TRHDE: variants seen among roughly 807,000 people sequenced by gnomAD.
TRHDE encodes thyrotropin-releasing hormone-degrading ectoenzyme.
A neutral mutation model predicts 125.7 loss-of-function variants in TRHDE; 72 were observed. The observed-to-expected ratio is 0.57, with a 90% CI of 0.47 to 0.70. TRHDE has a LOEUF of 0.70. TRHDE is among the 30% of genes least tolerant of loss of function. TRHDE has a pLI of 0.00. For synonymous variants in TRHDE, 509 were observed against 509.1 expected, an observed-to-expected ratio of 1.00 and a Z score of 0.00; for missense variants, 1,110 against 1,327.1, an observed-to-expected ratio of 0.84 and a Z score of 2.54.
intron 3 of TRHDE, among the ~76,000 whole-genome samples, chr12:72,390,301 C>T (rs888356656): frequency 6.6e-6 from 1 of 152,082 alleles, no homozygotes; most frequent in Non-Finnish European, 1.5e-5. Context: ...GAGTTGCTTC[C>T]TTCACTGGCT....
At chr12:72,320,543 C>CTGTGTGTGTGTGTGTG (rs59244019) in intron 2 of TRHDE, among the ~76,000 whole-genome samples, 2 of 143,078 alleles carry the variant, frequency 1.4e-5, no homozygotes, top group Admixed American at 7.0e-5. Context: ...AGAGGGTTGA[C>CTGTGTGTGTGTGTGTG]TGTGTGTGTG....
At chr12:72,629,676 T>C (rs1300647754) in intron 15 of TRHDE, among the ~76,000 whole-genome samples, 3 of 151,744 alleles carry the variant, frequency 2.0e-5, no homozygotes, top group African/African-American at 7.3e-5. Context: ...AAAATATTTG[T>C]ACTAAGACAC....
intron 2 of TRHDE, among the ~76,000 whole-genome samples, chr12:72,238,717 A>G (rs1295299496): frequency 1.3e-5 from 2 of 152,126 alleles, no homozygotes; most frequent in Non-Finnish European, 2.9e-5. Flanking sequence ...TGCAAAAGAC[A>G]TGAACTCATC....
intron 12 of TRHDE, among the ~76,000 whole-genome samples, chr12:72,609,168 A>G (rs1279580370): frequency 1.3e-5 from 2 of 152,230 alleles, no homozygotes; most frequent in Admixed American, 1.3e-4. Context: ...ACATGTACTC[A>G]GAGATTTTCC....
intron 2 of TRHDE, among the ~76,000 whole-genome samples, chr12:72,373,402 C>A (rs11179175): frequency 0.11 from 16,135 of 152,052 alleles, 1,118 homozygotes; most frequent in African/African-American, 0.18. Flanking sequence ...TGCCTCATTG[C>A]CCTGGCCAGA....
At chr12:72,375,902 G>A (rs140793064) in intron 2 of TRHDE, among the ~76,000 whole-genome samples, 1 of 152,174 alleles carries the variant, frequency 6.6e-6, no homozygotes, top group Non-Finnish European at 1.5e-5. Context: ...ACTGTCTCTT[G>A]TGGATGTTGT....
intron 15 of TRHDE, among the ~76,000 whole-genome samples, chr12:72,642,963 A>C (rs1193772488): frequency 6.6e-6 from 1 of 152,216 alleles, no homozygotes; most frequent in Non-Finnish European, 1.5e-5. Flanking sequence ...TTATTAGAAC[A>C]TCTTTACAAA....
intron 2 of TRHDE, among the ~76,000 whole-genome samples, chr12:72,121,721 T>C (rs1489888294): frequency 2.3e-5 from 2 of 87,340 alleles, no homozygotes; most frequent in African/African-American, 8.6e-5. Context: ...CGAAGGTGCC[T>C]TTTTTTTTTT....
rs1373036708 is a variant in TRHDE at position 72,582,247 on chromosome 12, T to C, written c.2321+6705T>C. On this transcript the variant is annotated intron_variant, in intron 12 of 18. Coordinates refer to ENST00000261180, the MANE Select transcript of TRHDE (RefSeq NM_013381.3). ...AACAGCTTATACATTTGAGATATATTAGAAGCCTGGGAATTCAGCATAATA... is the reference window on the plus strand; with the variant it reads ...AACAGCTTATACATTTGAGATATATCAGAAGCCTGGGAATTCAGCATAATA... The C allele has an allele frequency of 6.1e-6, 6 of 982,684 alleles. No homozygotes were observed. The African/African-American group carries it at 8.8e-5, about 14-fold the overall frequency. The allele number at this position is 982,684 out of a possible 1,614,324, so 60.9% of individuals were successfully genotyped here. A position where few individuals can be genotyped will look rare whatever the true frequency, so the allele number is the denominator to read the frequency against.
intron 17 of TRHDE, among the ~76,000 whole-genome samples, chr12:72,654,031 T>G (rs1057057772): frequency 6.6e-6 from 1 of 152,186 alleles, no homozygotes; most frequent in African/African-American, 2.4e-5. Flanking sequence ...TAAGACACAT[T>G]GACTTTTTTA....
intron 2 of TRHDE, among the ~76,000 whole-genome samples, chr12:72,331,570 G>A (rs1452903028): frequency 6.6e-6 from 1 of 152,194 alleles, no homozygotes; most frequent in Non-Finnish European, 1.5e-5. Context: ...CCTGGGAAGG[G>A]TGGCATCAGG....
At chr12:72,135,392 G>T (rs1201637224) in intron 2 of TRHDE, among the ~76,000 whole-genome samples, 2 of 152,064 alleles carry the variant, frequency 1.3e-5, no homozygotes, top group African/African-American at 4.8e-5. Context: ...CTTTCCATTG[G>T]TGACATGGAG....
At chr12:72,102,489 T>C (rs1875090952) in intron 1 of TRHDE, among the ~76,000 whole-genome samples, 1 of 152,188 alleles carries the variant, frequency 6.6e-6, no homozygotes, top group African/African-American at 2.4e-5. Flanking sequence ...GCCACCTGAT[T>C]CCATATCCCA....
intron 12 of TRHDE, among the ~76,000 whole-genome samples, chr12:72,615,279 T>A (rs1872773514): frequency 6.6e-6 from 1 of 152,168 alleles, no homozygotes; most frequent in Admixed American, 6.6e-5. Context: ...TTGCTATTTT[T>A]AATTTTTGTT....
chr12:72,383,626 C>T (rs1872283609), intron 3 of TRHDE, among the ~76,000 whole-genome samples: 1 of 151,878 alleles, frequency 6.6e-6, no homozygotes, highest in Non-Finnish European at 1.5e-5. Flanking sequence ...ATCCACCTGC[C>T]TTGGCCTCCC....
chr12:72,272,079 G>A (rs1879238058), upstream of TRHDE: 1 of 457,602 alleles, frequency 2.2e-6, no homozygotes, highest in Non-Finnish European at 4.4e-6. The surrounding 1 kb of genome is among the most constrained non-coding windows in gnomAD (Gnocchi z 6.7). Flanking sequence ...CAGCTGCAGG[G>A]TGTATGGCTC....
At chr12:72,571,974 A>AACACACACACAC (rs59206098) in intron 10 of TRHDE, among the ~76,000 whole-genome samples, 5,507 of 127,434 alleles carry the variant, frequency 0.043, 255 homozygotes, top group Admixed American at 0.061. Context: ...TGACTCTGCA[A>AACACACACACAC]ACACACACAC....
chr12:72,087,803 G>A (rs1400840356), intron 1 of TRHDE, among the ~76,000 whole-genome samples: 1 of 152,084 alleles, frequency 6.6e-6, no homozygotes, highest in African/African-American at 2.4e-5. Context: ...AATACTGGAA[G>A]TGCATTTGAT....
chr12:72,241,540 A>AT (rs2139381270), intron 2 of TRHDE, among the ~76,000 whole-genome samples: 2 of 152,142 alleles, frequency 1.3e-5, no homozygotes, highest in East Asian at 3.9e-4. Flanking sequence ...TCCTTTTGTT[A>AT]TTTATTCATT....
Sources: gnomAD v4.1 joint callset for allele counts (sites outside exome capture counted in the v4.1 genomes callset) on GRCh38, gnomAD v4.1.1 for gene constraint, Gnocchi (gnomAD v3.1) non-coding constraint, MANE v1.5 for transcripts, NCBI Gene and HGNC (gene_info 2026-07-23, HGNC 2026-07-21) for gene names.